Variants in CSMD1 observed in about 807,000 individuals in gnomAD.
CSMD1 encodes the protein CUB and sushi domain-containing protein 1.
A neutral mutation model predicts 417.5 loss-of-function variants in CSMD1; 213 were observed. The ratio of observed to expected loss-of-function variants is 0.51; its 90% CI spans 0.46 to 0.57. The LOEUF is 0.57. Among genes scored for constraint, CSMD1 ranks in the 20% least tolerant of loss-of-function variants. The probability of loss-of-function intolerance (pLI) is 0.00; values close to 1 mark genes in which losing one functional copy is unlikely to be tolerated. For synonymous variants in CSMD1, 2,862 were observed against 1,736.8 expected (o/e 1.65, Z -16.11); for missense variants, 6,923 against 4,529.7 (o/e 1.53, Z -15.17).
At chr8:3,554,206 A>C (rs1255376155) in intron 10 of CSMD1, among the ~76,000 whole-genome samples, 1 of 152,256 alleles carries the variant, frequency 6.6e-6, no homozygotes. Flanking sequence ...TTTAAGGCAA[A>C]AAAGATTGTG....
chr8:3,821,018 G>A (rs1292701026), intron 5 of CSMD1, among the ~76,000 whole-genome samples: 1 of 152,094 alleles, frequency 6.6e-6, no homozygotes, highest in Non-Finnish European at 1.5e-5. Flanking sequence ...CCGGGTTCAA[G>A]CGATTCTCCC....
At chr8:3,348,351 C>T (rs1181693320) in intron 21 of CSMD1, among the ~76,000 whole-genome samples, 190 bp from the exon 22 acceptor site, 1 of 152,092 alleles carries the variant, frequency 6.6e-6, no homozygotes, top group African/African-American at 2.4e-5. Flanking sequence ...GATACCCCAC[C>T]TAGCTCATTT....
chr8:3,875,607 A>G (rs576662547), intron 5 of CSMD1, among the ~76,000 whole-genome samples: 129 of 152,270 alleles, frequency 8.5e-4, no homozygotes, highest in African/African-American at 3.1e-3. Context: ...GAGAGGAGGA[A>G]GAGGAGGAGG....
intron 18 of CSMD1, among the ~76,000 whole-genome samples, chr8:3,378,746 T>C (rs1464280183): frequency 2.0e-5 from 3 of 152,166 alleles, no homozygotes; most frequent in Non-Finnish European, 2.9e-5. Context: ...ATGGAACATA[T>C]CTCAAAATAA....
intron 1 of CSMD1, among the ~76,000 whole-genome samples, chr8:4,756,122 T>C (rs929475237): frequency 6.6e-5 from 10 of 152,288 alleles, no homozygotes; most frequent in South Asian, 4.1e-4. Flanking sequence ...CAGGAGTATA[T>C]AGTAAGCATA....
chr8:4,461,429 A>T (rs1799809739), intron 2 of CSMD1, among the ~76,000 whole-genome samples: 1 of 151,852 alleles, frequency 6.6e-6, no homozygotes, highest in Non-Finnish European at 1.5e-5. Context: ...CTATTTACAA[A>T]TCACATGATC....
At chr8:4,131,015 A>T (rs1053643644) in intron 3 of CSMD1, among the ~76,000 whole-genome samples, 2 of 152,140 alleles carry the variant, frequency 1.3e-5, no homozygotes, top group African/African-American at 4.8e-5. Flanking sequence ...ATCTAGCATT[A>T]ATGACTCCAC....
intron 26 of CSMD1, among the ~76,000 whole-genome samples, chr8:3,234,206 T>C (rs1346201953): frequency 6.6e-6 from 1 of 152,144 alleles, no homozygotes; most frequent in Non-Finnish European, 1.5e-5. Context: ...CTCTCTCCAT[T>C]TCTGCATTTC....
Position 3,968,031 on chromosome 8 carries a change from CA to C in CSMD1, c.818+29871del, listed in dbSNP as rs1434754173. Among the ~76,000 whole-genome samples the C allele has an allele frequency of 4.0e-4, 43 of 107,422 alleles. 1 individual carries two copies. Among genetic ancestry groups the C allele is most frequent in the African/African-American group, 1.6e-3 (42 of 26,350 alleles). 70.5% of individuals were successfully genotyped at this position (107,422 alleles called of 152,430 possible). ...AAAAAAAAAAAAAAAAAAAAAATTA[CA>C]AAAAATTAGCCGGGAGTGGTGGCGG... On this transcript the variant is annotated intron_variant, in intron 5 of 69. Coordinates refer to ENST00000635120, the MANE Select transcript of CSMD1 (RefSeq NM_033225.6).
intron 3 of CSMD1, among the ~76,000 whole-genome samples, chr8:4,259,432 C>T (rs1040765871): frequency 6.6e-6 from 1 of 152,114 alleles, no homozygotes; most frequent in Non-Finnish European, 1.5e-5. Flanking sequence ...TACCAGGACC[C>T]ATCCCAGCGC....
chr8:4,301,880 T>A (rs1458631699), intron 3 of CSMD1, among the ~76,000 whole-genome samples: 1 of 67,656 alleles, frequency 1.5e-5, no homozygotes, highest in Non-Finnish European at 2.8e-5. Flanking sequence ...CACCATAAAT[T>A]TGTTGTTCTC....
intron 3 of CSMD1, among the ~76,000 whole-genome samples, chr8:4,035,830 A>C (rs1797587129): frequency 6.6e-6 from 1 of 152,130 alleles, no homozygotes; most frequent in Admixed American, 6.6e-5. Flanking sequence ...AGTGTACTCT[A>C]AGTGTACAGT....
At chr8:4,410,239 G>A (rs1474812295) in intron 3 of CSMD1, among the ~76,000 whole-genome samples, 1 of 152,130 alleles carries the variant, frequency 6.6e-6, no homozygotes. Context: ...TAAGCCTCAT[G>A]CCAACTCTCT....
chr8:3,830,569 G>C (rs1802319654), intron 5 of CSMD1, among the ~76,000 whole-genome samples: 2 of 152,090 alleles, frequency 1.3e-5, no homozygotes, highest in Non-Finnish European at 1.5e-5. Flanking sequence ...CCTCCAATAA[G>C]TTATTATTGA....
At chr8:4,415,014 T>C (rs908263047) in intron 3 of CSMD1, among the ~76,000 whole-genome samples, 3 of 152,182 alleles carry the variant, frequency 2.0e-5, no homozygotes, top group South Asian at 4.1e-4. Context: ...CATAGAAGCA[T>C]AGGCAAGCAA....
At chr8:4,875,378 A>G (rs1410123073) in intron 1 of CSMD1, among the ~76,000 whole-genome samples, 1 of 152,090 alleles carries the variant, frequency 6.6e-6, no homozygotes, top group East Asian at 1.9e-4. Context: ...GTTTTCTTCT[A>G]TCAAGCCTTT....
At chr8:4,944,212 T>C (rs1808216527) in intron 1 of CSMD1, among the ~76,000 whole-genome samples, 1 of 152,118 alleles carries the variant, frequency 6.6e-6, no homozygotes. Context: ...GTGTATGTAA[T>C]AATTAAAGAC....
chr8:4,152,143 T>G (rs1475047557), intron 3 of CSMD1, among the ~76,000 whole-genome samples: 1 of 152,176 alleles, frequency 6.6e-6, no homozygotes, highest in Non-Finnish European at 1.5e-5. Flanking sequence ...CAACGATAAT[T>G]GTTTGAAATT....
At chr8:4,309,212 T>A (rs1055729652) in intron 3 of CSMD1, among the ~76,000 whole-genome samples, 1 of 152,140 alleles carries the variant, frequency 6.6e-6, no homozygotes, top group Non-Finnish European at 1.5e-5. Flanking sequence ...AGGGTCAGTT[T>A]GATATTACCG....
Sources: gnomAD v4.1 joint callset for allele counts (sites outside exome capture counted in the v4.1 genomes callset) on GRCh38, gnomAD v4.1.1 for gene constraint, MANE v1.5 for transcripts, NCBI Gene and HGNC (gene_info 2026-07-23, HGNC 2026-07-21) for gene names.